Variants in CDH12 observed in about 807,000 individuals in gnomAD.
CDH12 encodes the protein cadherin 12.
CDH12 carries 41 observed loss-of-function variants against 74.1 expected under a neutral mutation model. That is an observed-to-expected ratio of 0.55 (90% CI 0.43 to 0.72). CDH12 has a LOEUF of 0.72. CDH12 is among the 30% of genes least tolerant of loss of function. The pLI is 0.00. For missense variants in CDH12, 945 were observed against 977.2 expected, an observed-to-expected ratio of 0.97 and a Z score of 0.44; for synonymous variants, 399 against 355.0, an observed-to-expected ratio of 1.12 and a Z score of -1.39.
chr5:21,935,118 C>T (rs1467275585), intron 6 of CDH12, among the ~76,000 whole-genome samples: 1 of 152,072 alleles, frequency 6.6e-6, no homozygotes, highest in Non-Finnish European at 1.5e-5. Context: ...CTCTCCTCTC[C>T]TTCTTTTGCT....
At chr5:22,728,275 T>A (rs557215399) in intron 1 of CDH12, among the ~76,000 whole-genome samples, 5 of 152,000 alleles carry the variant, frequency 3.3e-5, no homozygotes, top group African/African-American at 1.2e-4. Flanking sequence ...ACTTTTGATT[T>A]TCTGAATCAC....
intron 6 of CDH12, among the ~76,000 whole-genome samples, chr5:21,902,659 G>T (rs764453932): frequency 6.6e-6 from 1 of 152,100 alleles, no homozygotes; most frequent in African/African-American, 2.4e-5. Context: ...TGACAGAAAT[G>T]TTCTCTATCT....
chr5:22,565,033 TTAAG>T (rs1187275612), intron 1 of CDH12, among the ~76,000 whole-genome samples: 1 of 152,128 alleles, frequency 6.6e-6, no homozygotes, highest in East Asian at 1.9e-4. Flanking sequence ...CATCCTGGGT[TTAAG>T]TGACTGTCCT....
intron 3 of CDH12, among the ~76,000 whole-genome samples, chr5:22,254,975 TG>T (rs1753263406): frequency 1.3e-5 from 2 of 151,998 alleles, no homozygotes; most frequent in South Asian, 4.1e-4. Context: ...TACCAAACAC[TG>T]GATCTAATTC....
intron 2 of CDH12, among the ~76,000 whole-genome samples, chr5:22,454,503 T>G (rs927120484): frequency 2.6e-4 from 39 of 152,050 alleles, no homozygotes; most frequent in African/African-American, 8.7e-4. Context: ...AGATGGAGTC[T>G]CATTCTGTCG....
intron 4 of CDH12, among the ~76,000 whole-genome samples, chr5:22,104,220 A>G (rs2150252894): frequency 6.6e-6 from 1 of 152,298 alleles, no homozygotes; most frequent in Middle Eastern, 3.4e-3. Context: ...TTATAGCCAT[A>G]ATGTATTAGA....
At chr5:22,850,565 G>C (rs1286168488) in intron 1 of CDH12, among the ~76,000 whole-genome samples, 1 of 151,960 alleles carries the variant, frequency 6.6e-6, no homozygotes, top group Admixed American at 6.6e-5. Flanking sequence ...AACACAAATA[G>C]GAATATCAAT....
intron 6 of CDH12, among the ~76,000 whole-genome samples, chr5:21,862,881 T>A (rs1466410569): frequency 6.6e-6 from 1 of 152,098 alleles, no homozygotes; most frequent in East Asian, 1.9e-4. Context: ...CAGGTTGAGG[T>A]CCTCACCTTC....
intron 5 of CDH12, among the ~76,000 whole-genome samples, chr5:22,021,341 A>C (rs556590394): frequency 1.9e-4 from 29 of 152,294 alleles, no homozygotes; most frequent in African/African-American, 6.3e-4. Context: ...CACCTGTATT[A>C]TTCTTAGGGA....
At chr5:21,820,271 A>G (rs542615978) in intron 8 of CDH12, among the ~76,000 whole-genome samples, 1 of 152,132 alleles carries the variant, frequency 6.6e-6, no homozygotes, top group South Asian at 2.1e-4. Flanking sequence ...GTAGTATTCT[A>G]TCAATTTAAG....
At chr5:22,616,430 A>G (rs1737692530) in intron 1 of CDH12, among the ~76,000 whole-genome samples, 1 of 152,120 alleles carries the variant, frequency 6.6e-6, no homozygotes, top group East Asian at 1.9e-4. Flanking sequence ...ATATCAAGAT[A>G]TATATGATTG....
chr5:22,245,393 C>T (rs748577235), intron 3 of CDH12, among the ~76,000 whole-genome samples: 2 of 151,824 alleles, frequency 1.3e-5, no homozygotes, highest in African/African-American at 4.8e-5. Flanking sequence ...GATGGAACAA[C>T]AGGAGGAGGA....
chr5:22,511,237 C>T (rs565427896), intron 1 of CDH12, among the ~76,000 whole-genome samples: 3 of 151,812 alleles, frequency 2.0e-5, no homozygotes, highest in Non-Finnish European at 4.4e-5. Context: ...TTTCTTTAAA[C>T]AAATATTGAA....
chr5:22,480,582 C>CAA (rs10712028), intron 2 of CDH12, among the ~76,000 whole-genome samples: 9 of 137,450 alleles, frequency 6.5e-5, no homozygotes, highest in African/African-American at 1.6e-4. Flanking sequence ...AGCCCTATCT[C>CAA]AAAAAAAAAA....
intron 4 of CDH12, among the ~76,000 whole-genome samples, chr5:22,098,676 T>C (rs1743948406): frequency 6.6e-6 from 1 of 152,190 alleles, no homozygotes; most frequent in Admixed American, 6.5e-5. Context: ...CAATTGTTCC[T>C]GGCCCGGACT....
At chr5:22,297,440 G>A (rs1737680492) in intron 3 of CDH12, among the ~76,000 whole-genome samples, 1 of 152,054 alleles carries the variant, frequency 6.6e-6, no homozygotes, top group African/African-American at 2.4e-5. Context: ...ATTATGCAAA[G>A]GCTTAAAAAG....
At chr5:21,780,030 G>C (rs1312755327) in intron 11 of CDH12, among the ~76,000 whole-genome samples, 1 of 152,042 alleles carries the variant, frequency 6.6e-6, no homozygotes, top group African/African-American at 2.4e-5. Context: ...GTAGATAGTG[G>C]AATTAACCAG....
chr5:22,702,839 A>G (rs1742788287), intron 1 of CDH12, among the ~76,000 whole-genome samples: 1 of 152,110 alleles, frequency 6.6e-6, no homozygotes, highest in African/African-American at 2.4e-5. Flanking sequence ...GCTATTATCA[A>G]ATAATGCTCC....
chr5:21,921,398 A>G (rs2150072154), intron 6 of CDH12, among the ~76,000 whole-genome samples: 1 of 152,284 alleles, frequency 6.6e-6, no homozygotes, highest in East Asian at 1.9e-4. Context: ...TCCTACAAGG[A>G]AGTAGATTTG....
Sources: allele counts gnomAD v4.1 joint callset (sites outside exome capture counted in the v4.1 genomes callset), GRCh38; gene constraint gnomAD v4.1.1; transcripts MANE v1.5; gene names NCBI Gene and HGNC (gene_info 2026-07-23, HGNC 2026-07-21).